The following TTC39A variants were observed in gnomAD, a reference collection of about 807,000 sequenced individuals.
TTC39A encodes tetratricopeptide repeat protein 39A.
Under a neutral mutation model 82.3 loss-of-function variants are expected in TTC39A, and 46 were observed. The ratio of observed to expected loss-of-function variants is 0.56; its 90% confidence interval spans 0.44 to 0.71. The LOEUF is 0.71. Ranked by LOEUF, TTC39A falls within the 30% of genes least tolerant of loss-of-function variation. TTC39A has a pLI of 0.00. For synonymous variants in TTC39A, 254 were observed against 275.2 expected, an observed-to-expected ratio of 0.92 and a Z score of 0.76; for missense variants, 543 against 712.9, an observed-to-expected ratio of 0.76 and a Z score of 2.71.
chr1:51,309,154 G>A (rs1295961217), intron 6 of TTC39A, 107 bp downstream of exon 6: 8 of 1,380,630 alleles, frequency 5.8e-6, no homozygotes, highest in Non-Finnish European at 6.8e-6. Context: ...ACTAGGTTCT[G>A]GCCTCGGTTA....
intron 6 of TTC39A, among the ~76,000 whole-genome samples, chr1:51,307,086 G>A (rs1292906724): frequency 1.3e-5 from 2 of 152,166 alleles, no homozygotes; most frequent in African/African-American, 4.8e-5. Flanking sequence ...AGAACTGGGG[G>A]AAGGCCCAAT....
At chr1:51,344,825 G>A (rs1329267212) in intron 1 of TTC39A, among the ~76,000 whole-genome samples, 1 of 152,204 alleles carries the variant, frequency 6.6e-6, no homozygotes, top group Non-Finnish European at 1.5e-5. Context: ...AGCAGGGGGC[G>A]CGCGGCGCTG....
intron 11 of TTC39A, 137 bp downstream of exon 11, chr1:51,302,220 C>CTCTGGTTGG (rs774940529): frequency 5.3e-5 from 58 of 1,088,138 alleles, no homozygotes; most frequent in Admixed American, 2.6e-4. Context: ...TGCCCCTGCT[C>CTCTGGTTGG]TCTGGTTGGT....
intron 2 of TTC39A, among the ~76,000 whole-genome samples, chr1:51,314,756 C>T (rs1156628186): frequency 6.6e-6 from 1 of 152,192 alleles, no homozygotes; most frequent in Admixed American, 6.5e-5. Context: ...TTGGAGTCAG[C>T]TTTGCCAGCT....
chr1:51,319,740 G>C (rs1334582484), intron 2 of TTC39A, among the ~76,000 whole-genome samples: 1 of 147,812 alleles, frequency 6.8e-6, no homozygotes, highest in Non-Finnish European at 1.5e-5. Context: ...ACCTAGGCTA[G>C]AGTGCAATGG....
chr1:51,332,123 G>A (rs1280081615), upstream of TTC39A, among the ~76,000 whole-genome samples: 2 of 152,216 alleles, frequency 1.3e-5, no homozygotes, highest in Non-Finnish European at 2.9e-5. Flanking sequence ...TCATGTAACC[G>A]GGGGTGGATC....
At chr1:51,328,919 C>T (rs1645809171) in intron 1 of TTC39A, among the ~76,000 whole-genome samples, 1 of 152,152 alleles carries the variant, frequency 6.6e-6, no homozygotes, top group South Asian at 2.1e-4. Context: ...GGTCCTGCTG[C>T]GTGCGGCCCT....
intron 1 of TTC39A, among the ~76,000 whole-genome samples, chr1:51,325,103 T>C (rs1204082525): frequency 6.6e-6 from 1 of 151,694 alleles, no homozygotes; most frequent in East Asian, 2.0e-4. Flanking sequence ...AAAAATACAA[T>C]ATTAACTGGG....
chr1:51,321,983 G>T lies in TTC39A; in HGVS notation c.42-158C>A. ...CTGCCACTCTGTACTGGGACGCAGGGACAATTTGGACCCACCTCTTGGTGT... is the reference window on the plus strand; with the variant it reads ...CTGCCACTCTGTACTGGGACGCAGGTACAATTTGGACCCACCTCTTGGTGT... On this transcript the variant is annotated intron_variant, in intron 1 of 17. Transcript: ENST00000680483. The surrounding 1 kb of genome is among the most constrained non-coding windows in gnomAD (Gnocchi z 4.6). 2 of 1,366,214 alleles carry T rather than the reference G, an allele frequency of 1.5e-6. No homozygotes were observed. The allele number at this position is 1,366,214 out of a possible 1,614,324, so 84.6% of individuals were successfully genotyped here.
rs767141526 is a variant in TTC39A at position 51,312,804 on chromosome 1, C to T, written c.278+8G>A. The T allele has an allele frequency of 2.5e-6, 4 of 1,612,310 alleles. No homozygotes were observed. The highest frequency in any genetic ancestry group is 2.2e-5 in the East Asian group (1 of 44,878). On this transcript the variant is annotated splice_region_variant and intron_variant, in intron 3 of 17. Coordinates refer to ENST00000680483, the MANE Select transcript of TTC39A (RefSeq NM_001297663.2). ...CAACCTCTGATCCCTGCCCCCAATG[C>T]CCCCAACCTCTGACACAGCATCTGT...
rs1427027279 is a variant in TTC39A at position 51,294,109 on chromosome 1, T to A, written c.1266+282A>T. On this transcript the variant is annotated intron_variant, in intron 14 of 17. Transcript: ENST00000680483. The surrounding 1 kb of genome is among the most constrained non-coding windows in gnomAD (Gnocchi z 4.3). ...CAGGCTGGGATCACTGGCAGCCGGGTGATGCCGCTGCCTGGGCACATGGAC... is the reference window on the plus strand; with the variant it reads ...CAGGCTGGGATCACTGGCAGCCGGGAGATGCCGCTGCCTGGGCACATGGAC... Among the ~76,000 whole-genome samples the A allele has an allele frequency of 6.6e-6, 1 of 152,142 alleles. No individual in the cohort carries two copies. The highest frequency in any genetic ancestry group is 2.4e-5 in the African/African-American group (1 of 41,416).
At chr1:51,312,674 C>G in intron 3 of TTC39A, 138 bp downstream of exon 3, 1 of 1,295,826 alleles carries the variant, frequency 7.7e-7, no homozygotes, top group Non-Finnish European at 1.1e-6. Flanking sequence ...CCAACAGGGA[C>G]AGCTCTTAGC....
In TTC39A at chr1:51,302,188, G is replaced by T. The variant is rs746408253; in HGVS notation, c.891+169C>A. 39 of 847,940 alleles carry T rather than the reference G, an allele frequency of 4.6e-5. No individual in the cohort carries two copies. In the African/African-American group the frequency reaches 6.4e-4, roughly 14 times the overall value. 52.5% of individuals were successfully genotyped at this position (847,940 alleles called of 1,614,324 possible). On this transcript the variant is annotated intron_variant, in intron 11 of 17. Transcript: ENST00000680483. ...TCCTCCTCCCTTGTCTTCCCAGGCT[G>T]CTCTGCCAGAAGGGCCTCTCCTGCC...
chr1:51,290,284 A>G (rs1644154290), intron 15 of TTC39A, among the ~76,000 whole-genome samples, 165 bp from the exon 16 acceptor site: 1 of 152,232 alleles, frequency 6.6e-6, no homozygotes, highest in African/African-American at 2.4e-5. Context: ...ATACTGAGAC[A>G]ATGACAATAC....
chr1:51,319,849 C>G (rs955178803), intron 2 of TTC39A, among the ~76,000 whole-genome samples: 11 of 152,010 alleles, frequency 7.2e-5, no homozygotes, highest in Non-Finnish European at 1.3e-4. Flanking sequence ...CGCCACCATG[C>G]CCGGCTAATT....
intron 13 of TTC39A, 149 bp downstream of exon 13, chr1:51,295,930 G>A (rs2297182): frequency 1.4e-5 from 11 of 760,232 alleles, no homozygotes; most frequent in Non-Finnish European, 2.2e-5. Context: ...GGGAGGACAC[G>A]CAGGGGGGGC....
chr1:51,331,346 C>A, upstream of TTC39A: 4 of 1,507,070 alleles, frequency 2.7e-6, no homozygotes, highest in Non-Finnish European at 3.5e-6. Flanking sequence ...TCTTCTGGCA[C>A]AGAAAGCCAC....
intron 1 of TTC39A, among the ~76,000 whole-genome samples, chr1:51,344,393 T>C (rs1646072169): frequency 6.6e-6 from 1 of 152,084 alleles, no homozygotes; most frequent in Non-Finnish European, 1.5e-5. Flanking sequence ...GGAACACAAC[T>C]GGGGCGCACT....
At position 51,288,375 on chromosome 1, in the gene TTC39A, A is replaced by G. The variant is rs1644069868; in HGVS notation, c.1611-95T>C. ...CTGTATGAGCCCCGCGAGCCAAGGA[A>G]GGATTGTAGAGAAATTAATGTGTCC... On this transcript the variant is annotated intron_variant, in intron 17 of 17. Coordinates refer to ENST00000680483, the MANE Select transcript of TTC39A (RefSeq NM_001297663.2). This position sits in a 1 kb window ranked among gnomAD's most constrained non-coding sequence, Gnocchi z 4.8. The G allele has an allele frequency of 6.4e-7, 1 of 1,570,390 alleles. No individual in the cohort carries two copies. Among genetic ancestry groups the G allele is most frequent in the Non-Finnish European group, 8.7e-7 (1 of 1,156,040 alleles).
Sources: gnomAD v4.1 joint callset for allele counts (sites outside exome capture counted in the v4.1 genomes callset) on GRCh38, gnomAD v4.1.1 for gene constraint, Gnocchi (gnomAD v3.1) non-coding constraint, MANE v1.5 for transcripts, NCBI Gene and HGNC (gene_info 2026-07-23, HGNC 2026-07-21) for gene names.